The following EXOC6B variants were observed in gnomAD, a reference collection of about 807,000 sequenced individuals.
The protein encoded by EXOC6B is SEC15 homolog B.
Under a neutral mutation model 113.5 loss-of-function variants are expected in EXOC6B, and 54 were observed. That is an observed-to-expected ratio of 0.48 (90% CI 0.38 to 0.60). The LOEUF (loss-of-function observed/expected upper bound fraction) is 0.60, where lower values mean the gene tolerates loss of function less well. Ranked by LOEUF, EXOC6B falls within the 20% of genes least tolerant of loss-of-function variation. The pLI, the probability that EXOC6B is intolerant of heterozygous loss-of-function variation, is 0.00. For missense variants in EXOC6B, 797 were observed against 977.5 expected, an observed-to-expected ratio of 0.82 and a Z score of 2.46; for synonymous variants, 357 against 339.0, an observed-to-expected ratio of 1.05 and a Z score of -0.58.
chr2:72,621,709 A>G (rs1671757637), intron 6 of EXOC6B, among the ~76,000 whole-genome samples: 1 of 152,240 alleles, frequency 6.6e-6, no homozygotes, highest in Non-Finnish European at 1.5e-5. Flanking sequence ...AAATGTTTAC[A>G]CTTCAAAATG....
chr2:72,401,685 A>G (rs1424184583), intron 18 of EXOC6B, among the ~76,000 whole-genome samples: 5 of 111,132 alleles, frequency 4.5e-5, no homozygotes, highest in Non-Finnish European at 1.8e-5. Flanking sequence ...ATATATATAT[A>G]TGAAAAAGAA....
intron 6 of EXOC6B, among the ~76,000 whole-genome samples, chr2:72,621,185 C>A (rs1333817713): frequency 6.6e-6 from 1 of 151,942 alleles, no homozygotes; most frequent in Non-Finnish European, 1.5e-5. Flanking sequence ...GATCACTATG[C>A]CAAAAGACAC....
intron 20 of EXOC6B, among the ~76,000 whole-genome samples, chr2:72,265,419 A>G (rs1684010210): frequency 7.6e-6 from 1 of 131,228 alleles, no homozygotes; most frequent in Non-Finnish European, 1.6e-5. Context: ...GCACCCCACA[A>G]CAGTCCCCAG....
intron 16 of EXOC6B, among the ~76,000 whole-genome samples, chr2:72,487,120 C>T (rs1699466904): frequency 6.6e-6 from 1 of 152,202 alleles, no homozygotes; most frequent in Admixed American, 6.5e-5. Flanking sequence ...TAACATCTTA[C>T]ATTACTATGG....
intron 18 of EXOC6B, among the ~76,000 whole-genome samples, chr2:72,459,761 G>A (rs1172416567): frequency 5.9e-5 from 9 of 152,058 alleles, no homozygotes; most frequent in East Asian, 1.9e-4. Flanking sequence ...AATGAATATC[G>A]TGAAAATGGC....
intron 6 of EXOC6B, among the ~76,000 whole-genome samples, chr2:72,710,746 T>G (rs1679220052): frequency 6.6e-6 from 1 of 152,184 alleles, no homozygotes; most frequent in South Asian, 2.1e-4. Context: ...GAGTAAATTT[T>G]GCTGTAGTGA....
intron 2 of EXOC6B, among the ~76,000 whole-genome samples, chr2:72,740,529 C>T (rs2104810282): frequency 6.6e-6 from 1 of 152,244 alleles, no homozygotes; most frequent in Admixed American, 6.5e-5. Context: ...TGTGCCTAGC[C>T]TCCTTCCTGG....
At chr2:72,473,653 A>C (rs1353101769) in intron 17 of EXOC6B, among the ~76,000 whole-genome samples, 1 of 152,078 alleles carries the variant, frequency 6.6e-6, no homozygotes, top group Non-Finnish European at 1.5e-5. Context: ...TTAAGTAAAG[A>C]ATTAAATCAA....
rs116496143 is a variant in EXOC6B at position 72,343,011 on chromosome 2, G to T, written c.2123-7991C>A. 6.8e-3 allele frequency among the ~76,000 whole-genome samples: 1,034 copies of T among 152,230 alleles called. 12 individuals carry two copies. Among genetic ancestry groups the T allele is most frequent in the African/African-American group, 0.023 (964 of 41,544 alleles). On this transcript the variant is annotated intron_variant, in intron 19 of 21. Transcript: ENST00000272427. ...TACTGGTCAATGGAGAAAGAAAATG[G>T]TGTATATATACAATGGAATACTATT...
chr2:72,632,523 C>A (rs1380012392), intron 6 of EXOC6B, among the ~76,000 whole-genome samples: 1 of 151,748 alleles, frequency 6.6e-6, no homozygotes, highest in Non-Finnish European at 1.5e-5. Flanking sequence ...TTTTTAAAAC[C>A]TGGAAATAAT....
At chr2:72,600,441 C>CAAAAAAAAAAAAAAAAAAAAAAAAAAAAA (rs57908608) in intron 6 of EXOC6B, among the ~76,000 whole-genome samples, 1 of 87,474 alleles carries the variant, frequency 1.1e-5, no homozygotes. Context: ...GACCTTATCT[C>CAAAAAAAAAAAAAAAAAAAAAAAAAAAAA]AAAAAAAAAA....
intron 20 of EXOC6B, among the ~76,000 whole-genome samples, chr2:72,284,748 A>G (rs959629036): frequency 6.6e-6 from 1 of 152,074 alleles, no homozygotes; most frequent in African/African-American, 2.4e-5. Flanking sequence ...TGACAAAAAA[A>G]TTCCTGGGAC....
At chr2:72,501,130 T>G (rs887717219) in intron 11 of EXOC6B, among the ~76,000 whole-genome samples, 2 of 152,206 alleles carry the variant, frequency 1.3e-5, no homozygotes, top group African/African-American at 4.8e-5. Context: ...ATAAAACTTT[T>G]TAATGCTTTG....
At chr2:72,198,298 C>T (rs1400662731) in intron 20 of EXOC6B, among the ~76,000 whole-genome samples, 1 of 152,222 alleles carries the variant, frequency 6.6e-6, no homozygotes, top group Non-Finnish European at 1.5e-5. Flanking sequence ...GCATTAAGGG[C>T]CTGCTCTCTC....
chr2:72,820,482 T>C (rs1262938942), intron 1 of EXOC6B, among the ~76,000 whole-genome samples: 1 of 152,166 alleles, frequency 6.6e-6, no homozygotes, highest in Non-Finnish European at 1.5e-5. Flanking sequence ...CTAAAGTTAT[T>C]TACCAAGATC....
Position 72,495,537 on chromosome 2 carries a change from T to C in EXOC6B, c.1446A>G (p.Gln482=). The change falls in exon 15 of 22, where the codon CAA becomes CAG. Residue 482 remains glutamine (Q), a splice_region_variant and synonymous_variant. Transcript: ENST00000272427. ...AGAAAGGAAACTTTTTTGGAAATGG[T>C]TGCTGTAAATGCAAGAAGTAATGAA... ...FPFQDIELEK[Q]PFPKKFPFSE... 1.3e-6 allele frequency: 2 copies of C among 1,548,360 alleles called. No individual in the cohort carries two copies. The highest frequency in any genetic ancestry group is 2.3e-5 in the South Asian group (2 of 87,968).
rs931129437 is a variant in EXOC6B at position 72,366,732 on chromosome 2, G to A, written c.2122+12997C>T. On this transcript the variant is annotated intron_variant, in intron 19 of 21. Coordinates refer to ENST00000272427, the MANE Select transcript of EXOC6B (RefSeq NM_015189.3). ...TACAAAGGAACAAAGATAACAAAAA[G>A]CTTATCATCAGAAACTATATCAATC... 6.6e-5 allele frequency among the ~76,000 whole-genome samples: 10 copies of A among 151,426 alleles called. No individual in the cohort carries two copies. In the South Asian group the frequency reaches 1.0e-3, roughly 16 times the overall value.
At chr2:72,492,062 T>C (rs1340006926) in intron 16 of EXOC6B, among the ~76,000 whole-genome samples, 1 of 152,168 alleles carries the variant, frequency 6.6e-6, no homozygotes, top group African/African-American at 2.4e-5. Flanking sequence ...AACAGAAATG[T>C]ATTCTAACAA....
chr2:72,443,185 C>G (rs553413906), intron 18 of EXOC6B, among the ~76,000 whole-genome samples: 3 of 151,780 alleles, frequency 2.0e-5, no homozygotes, highest in Non-Finnish European at 4.4e-5. Context: ...ATTAGCCAGG[C>G]GTGGTGGCGC....
Sources: gnomAD v4.1 joint callset for allele counts (sites outside exome capture counted in the v4.1 genomes callset) on GRCh38, gnomAD v4.1.1 for gene constraint, MANE v1.5 for transcripts, NCBI Gene and HGNC (gene_info 2026-07-23, HGNC 2026-07-21) for gene names.